Variants in DTNA observed in about 807,000 individuals in gnomAD.
DTNA encodes dystrobrevin alpha, also known as dystrophin-related protein 3.
In DTNA, 43 loss-of-function variants were observed where a neutral mutation model predicts 100.7. The observed-to-expected ratio is 0.43, with a 90% CI of 0.33 to 0.55. The LOEUF (loss-of-function observed/expected upper bound fraction) is 0.55, where lower values mean the gene tolerates loss of function less well. Among genes scored for constraint, DTNA ranks in the 20% least tolerant of loss-of-function variants. DTNA has a pLI of 0.04. For synonymous variants in DTNA, 349 were observed against 347.9 expected (o/e 1.00, Z -0.04); for missense variants, 798 against 953.9 (o/e 0.84, Z 2.15).
chr18:34,521,468 A>T (rs2042141362), intron 1 of DTNA, among the ~76,000 whole-genome samples: 1 of 152,188 alleles, frequency 6.6e-6, no homozygotes, highest in Admixed American at 6.5e-5. Context: ...TAATTCATTG[A>T]CTTAAAGCCT....
chr18:34,648,505 T>A (rs964938648), intron 1 of DTNA, among the ~76,000 whole-genome samples: 3 of 152,170 alleles, frequency 2.0e-5, no homozygotes, highest in Non-Finnish European at 4.4e-5. Flanking sequence ...AAATACATTT[T>A]GTAGATAAAG....
intron 17 of DTNA, among the ~76,000 whole-genome samples, chr18:34,869,461 G>C (rs1436686330): frequency 6.6e-6 from 1 of 152,132 alleles, no homozygotes; most frequent in Non-Finnish European, 1.5e-5. Context: ...TTTTATGTTA[G>C]AGAAAGTGAC....
At chr18:34,629,296 C>T (rs942279917) in intron 1 of DTNA, among the ~76,000 whole-genome samples, 1 of 152,192 alleles carries the variant, frequency 6.6e-6, no homozygotes, top group Non-Finnish European at 1.5e-5. Context: ...CTTTCAACTA[C>T]AGCAATACTT....
chr18:34,493,907 C>T (rs927172959), intron 1 of DTNA: 1 of 147,792 alleles, frequency 6.8e-6, no homozygotes, highest in Non-Finnish European at 1.5e-5. Context: ...TGCCGGGCGC[C>T]GCAGCCAGGA....
chr18:34,606,228 T>C (rs1283924233), intron 1 of DTNA, among the ~76,000 whole-genome samples: 1 of 152,192 alleles, frequency 6.6e-6, no homozygotes, highest in African/African-American at 2.4e-5. Flanking sequence ...TTTAGAAATC[T>C]ACTTGATATA....
chr18:34,568,417 C>A (rs919311319), intron 1 of DTNA, among the ~76,000 whole-genome samples: 5 of 152,086 alleles, frequency 3.3e-5, no homozygotes, highest in African/African-American at 9.7e-5. Context: ...GAGTTCCTGG[C>A]ACTTCTGTTC....
intron 2 of DTNA, among the ~76,000 whole-genome samples, chr18:34,759,489 GC>G (rs907545217): frequency 1.8e-4 from 28 of 152,250 alleles, no homozygotes; most frequent in African/African-American, 6.7e-4. Context: ...AGCCGATTGG[GC>G]ACAGGATGGG....
chr18:34,729,912 G>A (rs965232710), intron 1 of DTNA, among the ~76,000 whole-genome samples: 1 of 151,654 alleles, frequency 6.6e-6, no homozygotes, highest in Non-Finnish European at 1.5e-5. Context: ...AAACCTCCAG[G>A]ACACACTAGA....
chr18:34,659,580 A>G (rs1599723071), intron 1 of DTNA, among the ~76,000 whole-genome samples: 1 of 152,070 alleles, frequency 6.6e-6, no homozygotes, highest in Non-Finnish European at 1.5e-5. Context: ...CAAGAAATCC[A>G]TATATATTTC....
chr18:34,682,594 GC>G (rs1051560285), intron 1 of DTNA, among the ~76,000 whole-genome samples: 5 of 152,106 alleles, frequency 3.3e-5, no homozygotes, highest in African/African-American at 1.2e-4. Context: ...ATTTTAATGA[GC>G]AGTTCCCTAA....
chr18:34,526,118 G>C (rs2042589581), intron 1 of DTNA, among the ~76,000 whole-genome samples: 1 of 152,134 alleles, frequency 6.6e-6, no homozygotes. Context: ...CGTGTGTTCT[G>C]GTTAGAAATC....
chr18:34,854,167 G>A (rs775746301), intron 15 of DTNA, among the ~76,000 whole-genome samples: 7 of 152,104 alleles, frequency 4.6e-5, no homozygotes, highest in Non-Finnish European at 7.4e-5. Flanking sequence ...TGGAGGGGCC[G>A]TCCTCAAATG....
At chr18:34,774,049 G>C (rs552220703) in intron 3 of DTNA, among the ~76,000 whole-genome samples, 142 of 152,286 alleles carry the variant, frequency 9.3e-4, no homozygotes, top group African/African-American at 3.1e-3. Context: ...CCTTTCTTCT[G>C]CTTCTGCATT....
intron 11 of DTNA, among the ~76,000 whole-genome samples, chr18:34,833,228 G>A (rs1004700938): frequency 1.1e-4 from 16 of 152,030 alleles, no homozygotes; most frequent in Admixed American, 2.6e-4. Flanking sequence ...ATATATTTCA[G>A]GTATCCAGGA....
At chr18:34,737,524 G>T (rs1424966017) in intron 1 of DTNA, among the ~76,000 whole-genome samples, 1 of 152,076 alleles carries the variant, frequency 6.6e-6, no homozygotes, top group Non-Finnish European at 1.5e-5. Flanking sequence ...TCCCTCTTAT[G>T]ATGCATACAA....
Position 34,851,226 on chromosome 18 carries a change from CT to C in DTNA, c.1435-604del, listed in dbSNP as rs996956832. 7.9e-5 allele frequency among the ~76,000 whole-genome samples: 12 copies of C among 152,260 alleles called. No individual in the cohort carries two copies. The South Asian group carries it at 1.0e-3, about 13-fold the overall frequency. Reference sequence around the variant, plus strand: ...AAGCAATTCTCCTGCCTCAGCCCCCCTAGTAGCTGGTATTACAGGTGTGTGC... The same window carrying C: ...AAGCAATTCTCCTGCCTCAGCCCCCCAGTAGCTGGTATTACAGGTGTGTGC... On this transcript the variant is annotated intron_variant, in intron 14 of 22. Coordinates refer to ENST00000444659, the MANE Select transcript of DTNA (RefSeq NM_001386795.1).
rs539187439 is a variant in DTNA, at chr18:34,854,386, A to T, written c.1532+2458A>T. 2.6e-5 allele frequency among the ~76,000 whole-genome samples: 4 copies of T among 152,344 alleles called. No individual in the cohort carries two copies. In the East Asian group the frequency reaches 7.7e-4, roughly 29 times the overall value. Reference sequence around the variant, plus strand: ...TTTTGGGTTTTATTTTTTTCAGTCCACAAAGTCAACCAATAATATATGGTG... The same window carrying T: ...TTTTGGGTTTTATTTTTTTCAGTCCTCAAAGTCAACCAATAATATATGGTG... On this transcript the variant is annotated intron_variant, in intron 15 of 22. Coordinates refer to ENST00000444659, the MANE Select transcript of DTNA (RefSeq NM_001386795.1).
intron 1 of DTNA, among the ~76,000 whole-genome samples, chr18:34,643,292 A>C (rs935776082): frequency 6.6e-6 from 1 of 152,346 alleles, no homozygotes; most frequent in East Asian, 1.9e-4. Context: ...AATCTTAATA[A>C]AAGAAGAATG....
chr18:34,545,851 G>A lies in DTNA; in HGVS notation c.-2+52337G>A, dbSNP rs568718659. ...AGAAAATTATTTTATTTGTTTCTCC[G>A]CAGGCTGTAGGAAACATTAATAATT... On this transcript the variant is annotated intron_variant, in intron 1 of 19. Transcript: ENST00000283365. Among the ~76,000 whole-genome samples the A allele has an allele frequency of 6.6e-5, 10 of 151,438 alleles. No homozygotes were observed. In the South Asian group the frequency reaches 1.3e-3, roughly 19 times the overall value.
Sources: gnomAD v4.1 joint callset for allele counts (sites outside exome capture counted in the v4.1 genomes callset) on GRCh38, gnomAD v4.1.1 for gene constraint, MANE v1.5 for transcripts, NCBI Gene and HGNC (gene_info 2026-07-23, HGNC 2026-07-21) for gene names.